Variants in TMED8 observed in about 807,000 individuals in gnomAD.
The protein encoded by TMED8 is transmembrane p24 trafficking protein family member 8.
Under a neutral mutation model 32.7 loss-of-function variants are expected in TMED8, and 15 were observed. The ratio of observed to expected loss-of-function variants is 0.46; its 90% CI spans 0.31 to 0.71. The LOEUF (loss-of-function observed/expected upper bound fraction) is 0.71, where lower values mean the gene tolerates loss of function less well. Among genes scored for constraint, TMED8 ranks in the 30% least tolerant of loss-of-function variants. TMED8 has a pLI of 0.06. For synonymous variants in TMED8, 147 were observed against 161.4 expected (o/e 0.91, Z 0.68); for missense variants, 390 against 423.9 (o/e 0.92, Z 0.70).
Position 77,351,668 on chromosome 14 carries a change from G to A in TMED8, c.197+5C>T, listed in dbSNP as rs760539198. ...CTGTGAAAGCATTCTATCCAAAGTG[G>A]TTACCTGTGGGGTGAGGAGCAGGGT... On this transcript the variant is annotated splice_donor_5th_base_variant and intron_variant, in intron 2 of 5. Coordinates refer to ENST00000216468, the MANE Select transcript of TMED8 (RefSeq NM_213601.3). 4 of 1,611,616 alleles carry A rather than the reference G, an allele frequency of 2.5e-6. No homozygotes were observed. The South Asian group carries it at 3.3e-5, about 13-fold the overall frequency.
chr14:77,347,817 C>CT (rs1893085538), intron 2 of TMED8, among the ~76,000 whole-genome samples: 1 of 152,172 alleles, frequency 6.6e-6, no homozygotes. Flanking sequence ...TAACCCAGGC[C>CT]TTTTGGGAAT....
chr14:77,361,147 T>A (rs1893426146), intron 1 of TMED8, among the ~76,000 whole-genome samples: 1 of 151,944 alleles, frequency 6.6e-6, no homozygotes, highest in Non-Finnish European at 1.5e-5. Context: ...GCCCAGCTAA[T>A]TTTTTTGTAT....
At chr14:77,351,411 ATTTTTT>A (rs1181134385) in intron 2 of TMED8, among the ~76,000 whole-genome samples, 25 of 102,134 alleles carry the variant, frequency 2.4e-4, no homozygotes, top group South Asian at 1.0e-3. Flanking sequence ...CGCCCCGCTA[ATTTTTT>A]TTTTTTTTTT....
At position 77,341,474 on chromosome 14, in the gene TMED8, C is replaced by A; in HGVS notation, c.*297G>T. On this transcript the variant is annotated 3_prime_UTR_variant, in exon 6 of 6. Coordinates refer to ENST00000216468, the MANE Select transcript of TMED8 (RefSeq NM_213601.3). The stretch of plus-strand genomic sequence containing the variant: ...CCAAGATGAATCTATTTTTAAAAAA[C>A]ATCGCCCTGCTTCCTTTTAGGCTTG... 1 of 408,750 alleles carries A rather than the reference C, an allele frequency of 2.4e-6. No homozygotes were observed. Among genetic ancestry groups the A allele is most frequent in the Non-Finnish European group, 4.5e-6 (1 of 221,944 alleles). 25.3% of individuals were successfully genotyped at this position (408,750 alleles called of 1,614,324 possible). A position where few individuals can be genotyped will look rare whatever the true frequency, so the allele number is the denominator to read the frequency against.
intron 1 of TMED8, among the ~76,000 whole-genome samples, chr14:77,375,050 G>C (rs1329832215): frequency 6.6e-6 from 1 of 152,104 alleles, no homozygotes; most frequent in East Asian, 1.9e-4. Flanking sequence ...CTGTAAAATG[G>C]GAAGAAAATG....
intron 1 of TMED8, among the ~76,000 whole-genome samples, chr14:77,358,533 G>A (rs1047978851): frequency 2.6e-5 from 4 of 152,054 alleles, no homozygotes; most frequent in African/African-American, 9.7e-5. Context: ...TCCTGACCTC[G>A]TGATCTGCCC....
Position 77,358,577 on chromosome 14 carries a change from G to A in TMED8, c.119-6826C>T, listed in dbSNP as rs148024983. Among the ~76,000 whole-genome samples the A allele has an allele frequency of 7.1e-3, 1,088 of 152,200 alleles. 12 individuals are homozygous for A. Among genetic ancestry groups the A allele is most frequent in the African/African-American group, 0.024 (1,017 of 41,534 alleles). ...CTCCCAAAGTCCTGGGATTACAGGC[G>A]TGAGCCACCACGCCTAGCCCAGATT... On this transcript the variant is annotated intron_variant, in intron 1 of 5. Transcript: ENST00000216468.
rs71413460 is a variant in TMED8 at position 77,355,787 on chromosome 14, A to G, written c.119-4036T>C. Among the ~76,000 whole-genome samples the G allele has an allele frequency of 6.5e-3, 987 of 152,280 alleles. 3 individuals are homozygous for G. Among genetic ancestry groups the G allele is most frequent in the Middle Eastern group, 0.014 (4 of 294 alleles). Reference sequence around the variant, plus strand: ...GTGGCAGTTCCTATGATCAAGGTACATTGTGTTGGCCATAGTTCATTGGTT... The same window carrying G: ...GTGGCAGTTCCTATGATCAAGGTACGTTGTGTTGGCCATAGTTCATTGGTT... On this transcript the variant is annotated intron_variant, in intron 1 of 5. Coordinates refer to ENST00000216468, the MANE Select transcript of TMED8 (RefSeq NM_213601.3).
At chr14:77,356,298 C>T (rs1168094795) in intron 1 of TMED8, among the ~76,000 whole-genome samples, 2 of 152,180 alleles carry the variant, frequency 1.3e-5, no homozygotes, top group Admixed American at 1.3e-4. Flanking sequence ...TACCCAATGC[C>T]CTTTCCTATC....
At chr14:77,346,799 T>A (rs1893058399) in intron 2 of TMED8, among the ~76,000 whole-genome samples, 1 of 148,570 alleles carries the variant, frequency 6.7e-6, no homozygotes, top group Admixed American at 6.8e-5. Flanking sequence ...TTGTTGTTTC[T>A]TTTATTTATT....
intron 3 of TMED8, among the ~76,000 whole-genome samples, chr14:77,344,212 T>G (rs989301775): frequency 6.6e-6 from 1 of 152,206 alleles, no homozygotes; most frequent in African/African-American, 2.4e-5. Context: ...TAATAGCTCT[T>G]GCTCCTAGGG....
intron 1 of TMED8, among the ~76,000 whole-genome samples, chr14:77,371,856 G>C (rs904610529): frequency 1.4e-4 from 21 of 152,228 alleles, no homozygotes; most frequent in Non-Finnish European, 2.8e-4. Flanking sequence ...AATCAGGCCA[G>C]ACTTTGCAAA....
chr14:77,355,819 G>C (rs1250298065), intron 1 of TMED8, among the ~76,000 whole-genome samples: 1 of 152,156 alleles, frequency 6.6e-6, no homozygotes, highest in Non-Finnish European at 1.5e-5. Context: ...GGTTTCCGGT[G>C]AGCACCTGCC....
At chr14:77,350,050 TA>T (rs1294596127) in intron 2 of TMED8, among the ~76,000 whole-genome samples, 1 of 152,222 alleles carries the variant, frequency 6.6e-6, no homozygotes, top group Non-Finnish European at 1.5e-5. Context: ...TCAGGGGAGA[TA>T]TTTTTTCCTC....
At chr14:77,345,075 C>T (rs1351393678) in intron 3 of TMED8, among the ~76,000 whole-genome samples, 1 of 152,196 alleles carries the variant, frequency 6.6e-6, no homozygotes, top group Non-Finnish European at 1.5e-5. Context: ...GCAACCTCCA[C>T]CTCCCAGGTT....
chr14:77,363,469 TAAG>T (rs1893483363), intron 1 of TMED8, among the ~76,000 whole-genome samples: 1 of 152,138 alleles, frequency 6.6e-6, no homozygotes, highest in East Asian at 1.9e-4. Context: ...AAAGCAGTTC[TAAG>T]AAGAATGTTG....
intron 1 of TMED8, among the ~76,000 whole-genome samples, chr14:77,375,298 G>A (rs1367780356): frequency 1.3e-5 from 2 of 152,018 alleles, no homozygotes; most frequent in Non-Finnish European, 2.9e-5. Flanking sequence ...CCAATGTCCT[G>A]GGAGGAAGTG....
chr14:77,343,443 A>C lies in TMED8; in HGVS notation c.495T>G (p.Phe165Leu). 3 of 1,613,772 alleles carry C rather than the reference A, an allele frequency of 1.9e-6. No homozygotes were observed. Among genetic ancestry groups the C allele is most frequent in the South Asian group, 2.2e-5 (2 of 91,024 alleles). Reference sequence around the variant, plus strand: ...TGCTTTTGAATTCCTTCACCTTGGCAAAGGTCCAGATGCATGGAGGAGCCA... The same window carrying C: ...TGCTTTTGAATTCCTTCACCTTGGCCAAGGTCCAGATGCATGGAGGAGCCA... ...PLMAPPCIWT[F>L]AKVKEFKSKL... The change falls in exon 5 of 6, where the codon TTT (phenylalanine) becomes TTG (leucine). Residue 165 changes from phenylalanine to leucine, a missense_variant. Phe to Leu is a conservative substitution (Grantham distance 22, BLOSUM62 0). Transcript: ENST00000216468.
In TMED8 at chr14:77,343,482, G is replaced by A. The variant is rs1892957096; in HGVS notation, c.456C>T (p.Val152=). 6.2e-7 allele frequency: 1 copy of A among 1,613,036 alleles called. No individual in the cohort carries two copies. Among genetic ancestry groups the A allele is most frequent in the South Asian group, 1.1e-5 (1 of 90,992 alleles). ...SADLLGDHRK[V]SPPLMAPPCI... ...ATGGAGGAGCCATCAGAGGTGGGGA[G>A]ACTGAAAGGACAAGCAGCTTAGCAC... Residue 152 remains valine, a splice_region_variant and synonymous_variant, in exon 5 of 6, where the codon GTC becomes GTT. Transcript: ENST00000216468.
Sources: allele counts gnomAD v4.1 joint callset (sites outside exome capture counted in the v4.1 genomes callset), GRCh38; gene constraint gnomAD v4.1.1; transcripts MANE v1.5; gene names NCBI Gene and HGNC (gene_info 2026-07-23, HGNC 2026-07-21).